Variants in CTNNA3 observed in about 807,000 individuals in gnomAD.
The protein encoded by CTNNA3 is catenin alpha 3, also known as catenin alpha-3.
CTNNA3 carries 76 observed loss-of-function variants against 95.7 expected under a neutral mutation model. The observed-to-expected ratio is 0.79, with a 90% CI of 0.66 to 0.96. CTNNA3 has a LOEUF of 0.96. Among genes scored for constraint, CTNNA3 ranks in the 40% least tolerant of loss-of-function variants. CTNNA3 has a pLI of 0.00. For missense variants in CTNNA3, 1,191 were observed against 1,089.8 expected, an observed-to-expected ratio of 1.09 and a Z score of -1.31; for synonymous variants, 431 against 374.4, an observed-to-expected ratio of 1.15 and a Z score of -1.74.
chr10:66,606,542 A>G (rs1051856684), intron 10 of CTNNA3, among the ~76,000 whole-genome samples: 5 of 152,184 alleles, frequency 3.3e-5, no homozygotes, highest in Non-Finnish European at 7.3e-5. Context: ...GCAAATGCAA[A>G]GTAACTGAAA....
At chr10:66,953,855 A>G (rs909287648) in intron 7 of CTNNA3, among the ~76,000 whole-genome samples, 3 of 152,184 alleles carry the variant, frequency 2.0e-5, no homozygotes, top group African/African-American at 7.2e-5. Flanking sequence ...AATCTCAACC[A>G]GAAGAGCTAT....
intron 5 of CTNNA3, among the ~76,000 whole-genome samples, chr10:67,229,598 C>T (rs1369359123): frequency 2.6e-5 from 4 of 152,116 alleles, no homozygotes; most frequent in Admixed American, 6.5e-5. Context: ...GGTCCTAGAA[C>T]GATACAAGAA....
chr10:67,695,872 TG>T (rs1404503202), intron 1 of CTNNA3, 127 bp downstream of exon 1: 5 of 152,230 alleles, frequency 3.3e-5, no homozygotes, highest in Non-Finnish European at 7.3e-5. Context: ...TACAATAATG[TG>T]ATCTTCCTCA....
At chr10:67,419,789 T>C (rs1051596693) in intron 5 of CTNNA3, among the ~76,000 whole-genome samples, 16 of 152,224 alleles carry the variant, frequency 1.1e-4, no homozygotes, top group Non-Finnish European at 2.2e-4. Context: ...ACAGTAGCTA[T>C]ATTCACATAA....
intron 7 of CTNNA3, among the ~76,000 whole-genome samples, chr10:66,957,403 TATATATATATGCATATATATATATGC>T (rs1848860292): frequency 3.0e-5 from 1 of 33,822 alleles, no homozygotes; most frequent in Non-Finnish European, 5.3e-5. Context: ...CATATATATA[TATATATATATGCATATATATATATGC>T]ATATATATAT....
At chr10:66,838,940 A>G (rs1842963108) in intron 7 of CTNNA3, among the ~76,000 whole-genome samples, 1 of 152,180 alleles carries the variant, frequency 6.6e-6, no homozygotes, top group East Asian at 1.9e-4. Flanking sequence ...GGTAGCCCCA[A>G]AGCCTATCAC....
At chr10:67,600,608 G>C (rs1843055676) in intron 3 of CTNNA3, among the ~76,000 whole-genome samples, 1 of 152,156 alleles carries the variant, frequency 6.6e-6, no homozygotes, top group South Asian at 2.1e-4. Flanking sequence ...TGGAGCAGTT[G>C]GAGCTCGTAT....
At chr10:67,125,780 G>A (rs1859695919) in intron 7 of CTNNA3, among the ~76,000 whole-genome samples, 1 of 152,104 alleles carries the variant, frequency 6.6e-6, no homozygotes, top group Admixed American at 6.6e-5. Flanking sequence ...AATCCACCAT[G>A]CCCTCATAAG....
intron 5 of CTNNA3, among the ~76,000 whole-genome samples, chr10:67,483,572 C>T (rs1370480724): frequency 2.0e-5 from 3 of 150,306 alleles, no homozygotes; most frequent in Non-Finnish European, 4.4e-5. Context: ...AACCCATGGA[C>T]ACAGGAAGGG....
chr10:67,636,533 G>A (rs1160729658), intron 2 of CTNNA3, among the ~76,000 whole-genome samples: 2 of 152,132 alleles, frequency 1.3e-5, no homozygotes, highest in Non-Finnish European at 1.5e-5. Flanking sequence ...ACAACCATCT[G>A]ATCTTCGACA....
chr10:66,162,110 T>G (rs1442644638), intron 13 of CTNNA3, among the ~76,000 whole-genome samples: 4 of 152,152 alleles, frequency 2.6e-5, no homozygotes, highest in Admixed American at 2.0e-4. Flanking sequence ...TCACTTCTTG[T>G]ATCTTGTTTT....
chr10:67,186,242 C>G (rs181417545), intron 6 of CTNNA3, among the ~76,000 whole-genome samples: 1 of 152,058 alleles, frequency 6.6e-6, no homozygotes, highest in Non-Finnish European at 1.5e-5. Context: ...GTAAGTACTG[C>G]AAGAAAAAAC....
At chr10:67,106,744 T>C (rs1257176131) in intron 7 of CTNNA3, among the ~76,000 whole-genome samples, 2 of 152,194 alleles carry the variant, frequency 1.3e-5, no homozygotes, top group Non-Finnish European at 2.9e-5. Context: ...GTCCACTGTA[T>C]AGACCCCAAT....
chr10:65,982,983 G>A (rs541002020), intron 16 of CTNNA3, among the ~76,000 whole-genome samples: 2 of 151,538 alleles, frequency 1.3e-5, no homozygotes, highest in Admixed American at 6.6e-5. Flanking sequence ...AATGAGGCCA[G>A]CCTCCAAGAA....
At chr10:66,346,246 T>TATAGAGAGAGAGAGAG (rs1416945569) in intron 12 of CTNNA3, among the ~76,000 whole-genome samples, 3 of 27,788 alleles carry the variant, frequency 1.1e-4, no homozygotes, top group Non-Finnish European at 2.3e-4. Flanking sequence ...TATATATATA[T>TATAGAGAGAGAGAGAG]AGAGAGAGAG....
Position 67,687,774 on chromosome 10 carries a change from G to T in CTNNA3, c.-6+8226C>A, listed in dbSNP as rs769456959. 5.4e-4 allele frequency among the ~76,000 whole-genome samples: 82 copies of T among 152,302 alleles called. No homozygotes were observed. The Middle Eastern group carries it at 0.017, about 32-fold the overall frequency. On this transcript the variant is annotated intron_variant, in intron 1 of 17. Transcript: ENST00000433211. The stretch of plus-strand genomic sequence containing the variant: ...CTCCCATAGCTGTTCGAGGAAGGCA[G>T]AAGGATTTTCTTCCTTTCCCTGAGT...
intron 5 of CTNNA3, among the ~76,000 whole-genome samples, chr10:67,370,860 G>GTT (rs897049286): frequency 9.0e-5 from 13 of 144,564 alleles, no homozygotes; most frequent in African/African-American, 3.2e-4. Context: ...TTAAGAGGAA[G>GTT]TTTTTTTTGT....
chr10:66,010,460 A>G (rs972477688), intron 15 of CTNNA3, among the ~76,000 whole-genome samples: 5 of 152,224 alleles, frequency 3.3e-5, no homozygotes, highest in African/African-American at 1.2e-4. Context: ...AAAACTGGAA[A>G]ACATTGTTAC....
At chr10:66,508,318 T>C (rs957624949) in intron 11 of CTNNA3, among the ~76,000 whole-genome samples, 2 of 151,292 alleles carry the variant, frequency 1.3e-5, no homozygotes, top group South Asian at 2.1e-4. Context: ...CCACCAGGCA[T>C]TGGGATCCTA....
Sources: gnomAD v4.1 joint callset for allele counts (sites outside exome capture counted in the v4.1 genomes callset) on GRCh38, gnomAD v4.1.1 for gene constraint, MANE v1.5 for transcripts, NCBI Gene and HGNC (gene_info 2026-07-23, HGNC 2026-07-21) for gene names.